PPP1R13B: variants seen among roughly 807,000 people sequenced by gnomAD.
The protein encoded by PPP1R13B is apoptosis-stimulating of p53 protein 1.
PPP1R13B carries 44 observed loss-of-function variants against 119.8 expected under a neutral mutation model. That is an observed-to-expected ratio of 0.37 (90% confidence interval 0.29 to 0.47). PPP1R13B has a LOEUF of 0.47. Among genes scored for constraint, PPP1R13B ranks in the 20% least tolerant of loss-of-function variants. PPP1R13B has a pLI of 0.99. For synonymous variants in PPP1R13B, 542 were observed against 561.5 expected (o/e 0.97, Z 0.49); for missense variants, 1,227 against 1,413.5 (o/e 0.87, Z 2.12).
At position 103,733,240 on chromosome 14, in the gene PPP1R13B, G is replaced by A. The variant is rs941704979; in HGVS notation, c.*1914C>T. 1.7e-6 allele frequency: 1 copy of A among 594,592 alleles called. No homozygotes were observed. The highest frequency in any genetic ancestry group is 2.9e-6 in the Non-Finnish European group (1 of 343,814). The allele number at this position is 594,592 out of a possible 1,614,324, so 36.8% of individuals were successfully genotyped here. On this transcript the variant is annotated 3_prime_UTR_variant, in exon 17 of 17. Transcript: ENST00000202556. Reference sequence around the variant, plus strand: ...CTTCATGTTTTAGAATTTGTGTATTGTCAATACTTAATTGGGGGTGGGAGA... The same window carrying A: ...CTTCATGTTTTAGAATTTGTGTATTATCAATACTTAATTGGGGGTGGGAGA...
intron 1 of PPP1R13B, among the ~76,000 whole-genome samples, chr14:103,807,216 C>T (rs73367046): frequency 0.023 from 3,510 of 152,270 alleles, 139 homozygotes; most frequent in African/African-American, 0.08. Context: ...CAGGCCTCTG[C>T]TGGAATGGTG....
chr14:103,762,727 G>A (rs1034352849), intron 4 of PPP1R13B: 46 of 654,292 alleles, frequency 7.0e-5, no homozygotes, highest in African/African-American at 1.4e-4. Context: ...GGCGGTGGCC[G>A]TGGGGGTGAG....
intron 4 of PPP1R13B, among the ~76,000 whole-genome samples, chr14:103,770,004 C>T (rs1190881763): frequency 6.6e-6 from 1 of 152,080 alleles, no homozygotes; most frequent in South Asian, 2.1e-4. Context: ...TACTAGCTCC[C>T]TATCCCCTGC....
chr14:103,737,826 C>A lies in PPP1R13B; in HGVS notation c.2899G>T (p.Val967Phe), dbSNP rs1161808831. ...PLHCAASCNS[V>F]HLCKQLVESG... ...TCCACCAGCTGTTTGCAGAGGTGAA[C>A]GCTGTTACAAGAGGCAGCGCAGTGC... The change falls in exon 15 of 17, where the codon GTT becomes TTT. Residue 967 changes from valine to phenylalanine, a missense_variant. Val to Phe is a conservative substitution (Grantham distance 50). Transcript: ENST00000202556. 1.2e-6 allele frequency: 2 copies of A among 1,614,066 alleles called. No individual in the cohort carries two copies. The highest frequency in any genetic ancestry group is 1.3e-5 in the African/African-American group (1 of 74,936).
intron 8 of PPP1R13B, 121 bp from the exon 9 acceptor site, chr14:103,746,674 C>T (rs533592814): frequency 7.3e-6 from 6 of 824,120 alleles, no homozygotes; most frequent in Middle Eastern, 5.7e-4. Flanking sequence ...TTTTAGGAAG[C>T]CTGTCATCTG....
intron 1 of PPP1R13B, among the ~76,000 whole-genome samples, chr14:103,832,898 C>A (rs1173730232): frequency 6.6e-6 from 1 of 152,068 alleles, no homozygotes; most frequent in African/African-American, 2.4e-5. Context: ...ACGAGAATCA[C>A]TTGAACCTGG....
intron 1 of PPP1R13B, among the ~76,000 whole-genome samples, chr14:103,813,713 C>T (rs1385052848): frequency 6.6e-6 from 1 of 152,090 alleles, no homozygotes; most frequent in Non-Finnish European, 1.5e-5. Context: ...AGAAGAGTAA[C>T]ATAGGGTGTT....
chr14:103,787,590 T>G (rs1296910300), intron 2 of PPP1R13B, among the ~76,000 whole-genome samples: 1 of 149,864 alleles, frequency 6.7e-6, no homozygotes, highest in African/African-American at 2.4e-5. Flanking sequence ...GGCAAGAGTA[T>G]CATTTGAGCC....
intron 1 of PPP1R13B, among the ~76,000 whole-genome samples, chr14:103,815,911 G>A (rs1019817261): frequency 5.9e-5 from 9 of 151,598 alleles, no homozygotes; most frequent in East Asian, 2.0e-4. Context: ...GTAAAACCCC[G>A]TCTCTATTAA....
At chr14:103,842,080 G>A (rs1015054270) in intron 1 of PPP1R13B, among the ~76,000 whole-genome samples, 9 of 152,242 alleles carry the variant, frequency 5.9e-5, no homozygotes, top group African/African-American at 2.2e-4. Flanking sequence ...ATCTCAAAAT[G>A]CTTCTACATA....
At chr14:103,754,499 T>C (rs1009233594) in intron 5 of PPP1R13B, among the ~76,000 whole-genome samples, 11 of 143,210 alleles carry the variant, frequency 7.7e-5, no homozygotes, top group Non-Finnish European at 1.2e-4. Flanking sequence ...GAGATGGAGG[T>C]TGCAGTGAGC....
At position 103,736,156 on chromosome 14, in the gene PPP1R13B, A is replaced by G; in HGVS notation, c.3078T>C (p.Ala1026=). 1.2e-6 allele frequency: 2 copies of G among 1,614,152 alleles called. No individual in the cohort carries two copies. The highest frequency in any genetic ancestry group is 1.7e-5 in the Admixed American group (1 of 60,010). Residue 1026 remains alanine, a synonymous_variant, in exon 16 of 17, where the codon GCT becomes GCC. Coordinates refer to ENST00000202556, the MANE Select transcript of PPP1R13B (RefSeq NM_015316.3). ...TGTTCTGGGCCTCGTAGTCCCACAG[A>G]GCATACGCCACACCTTTGTTCATCA... is the stretch of plus-strand genomic sequence containing the variant. ...LGVMNKGVAY[A]LWDYEAQNSD...
At chr14:103,793,636 C>G (rs2085683331) in intron 2 of PPP1R13B, among the ~76,000 whole-genome samples, 1 of 152,074 alleles carries the variant, frequency 6.6e-6, no homozygotes, top group Admixed American at 6.6e-5. Context: ...TAAAATATAC[C>G]TAATTAGCAT....
rs368368446 is a variant in PPP1R13B, at chr14:103,771,026, G to A, written c.354+7719C>T. Among the ~76,000 whole-genome samples, 13 of 152,168 alleles carry A rather than the reference G, an allele frequency of 8.5e-5. No individual in the cohort carries two copies. The East Asian group carries it at 2.1e-3, about 25-fold the overall frequency. On this transcript the variant is annotated intron_variant, in intron 4 of 16. Coordinates refer to ENST00000202556, the MANE Select transcript of PPP1R13B (RefSeq NM_015316.3). ...AGATGCCCACAAACGTCCAGGATGC[G>A]AAGACCTACAACCTCAATGTAAGGC...
chr14:103,805,576 AAAGGAAGGAAAG>A (rs1245025522), intron 1 of PPP1R13B, among the ~76,000 whole-genome samples: 1 of 152,008 alleles, frequency 6.6e-6, no homozygotes, highest in Non-Finnish European at 1.5e-5. Context: ...GTCTCAAAAA[AAAGGAAGGAAAG>A]AAGGAAGGAA....
intron 1 of PPP1R13B, among the ~76,000 whole-genome samples, chr14:103,798,986 G>A (rs1336437588): frequency 7.5e-6 from 1 of 133,760 alleles, no homozygotes; most frequent in Non-Finnish European, 1.6e-5. Flanking sequence ...CACTACACCT[G>A]GTGTTTTTTT....
chr14:103,755,918 T>G (rs549035429), intron 5 of PPP1R13B, among the ~76,000 whole-genome samples: 1 of 152,304 alleles, frequency 6.6e-6, no homozygotes, highest in African/African-American at 2.4e-5. Flanking sequence ...CCAACCCAAA[T>G]TATTATTTAC....
At chr14:103,768,718 A>G (rs765736339) in intron 4 of PPP1R13B, among the ~76,000 whole-genome samples, 11 of 151,946 alleles carry the variant, frequency 7.2e-5, no homozygotes, top group Non-Finnish European at 1.5e-4. Flanking sequence ...TACAGGCATG[A>G]GCCACTGCAC....
At chr14:103,748,223 A>G (rs1418078456) in intron 8 of PPP1R13B, among the ~76,000 whole-genome samples, 3 of 152,242 alleles carry the variant, frequency 2.0e-5, no homozygotes, top group Admixed American at 6.5e-5. Flanking sequence ...TCTCTCTCAC[A>G]TGGCCTCTTT....
Sources: gnomAD v4.1 joint callset for allele counts (sites outside exome capture counted in the v4.1 genomes callset) on GRCh38, gnomAD v4.1.1 for gene constraint, MANE v1.5 for transcripts, NCBI Gene and HGNC (gene_info 2026-07-23, HGNC 2026-07-21) for gene names.